The following SYNGR1 variants were observed in gnomAD, a reference collection of about 807,000 sequenced individuals.
SYNGR1 encodes the protein synaptogyrin-1.
Under a neutral mutation model 26.1 loss-of-function variants are expected in SYNGR1, and 14 were observed. That is an observed-to-expected ratio of 0.54 (90% CI 0.35 to 0.84). The LOEUF is 0.84. SYNGR1 is among the 40% of genes least tolerant of loss of function. The pLI is 0.01. For synonymous variants in SYNGR1, 141 were observed against 150.1 expected, an observed-to-expected ratio of 0.94 and a Z score of 0.44; for missense variants, 319 against 332.9, an observed-to-expected ratio of 0.96 and a Z score of 0.33.
intron 1 of SYNGR1, among the ~76,000 whole-genome samples, chr22:39,368,234 C>G (rs1169341677): frequency 6.6e-6 from 1 of 152,212 alleles, no homozygotes; most frequent in African/African-American, 2.4e-5. Flanking sequence ...CACAATGCAT[C>G]CTTGGTTTCG....
intron 1 of SYNGR1, among the ~76,000 whole-genome samples, chr22:39,370,494 G>T (rs957161018): frequency 6.6e-6 from 1 of 152,018 alleles, no homozygotes; most frequent in Non-Finnish European, 1.5e-5. Context: ...CACGCTGGTT[G>T]TTCCTTTTTA....
chr22:39,365,315 C>G (rs1924688322), intron 1 of SYNGR1, among the ~76,000 whole-genome samples: 2 of 152,208 alleles, frequency 1.3e-5, no homozygotes, highest in Admixed American at 1.3e-4. Flanking sequence ...GGGATGCTGC[C>G]TGGCACAGGG....
At chr22:39,362,312 G>A (rs1924514835) in intron 1 of SYNGR1, among the ~76,000 whole-genome samples, 1 of 152,106 alleles carries the variant, frequency 6.6e-6, no homozygotes, top group African/African-American at 2.4e-5. Context: ...CTGCCCAGCG[G>A]AGTCCACTCC....
chr22:39,377,636 C>G (rs760579150), intron 3 of SYNGR1: 1 of 1,614,054 alleles, frequency 6.2e-7, no homozygotes, highest in South Asian at 1.1e-5. Flanking sequence ...GATTCAAGGA[C>G]CTAAGCTTCC....
At chr22:39,364,617 G>A (rs555087234) in intron 1 of SYNGR1, among the ~76,000 whole-genome samples, 15 of 152,152 alleles carry the variant, frequency 9.9e-5, no homozygotes, top group Admixed American at 7.9e-4. Context: ...TCCCAGCAGC[G>A]TTCAGAGGGC....
At chr22:39,362,952 A>C (rs1924557872) in intron 1 of SYNGR1, among the ~76,000 whole-genome samples, 1 of 152,188 alleles carries the variant, frequency 6.6e-6, no homozygotes, top group Admixed American at 6.5e-5. Context: ...ATAGGAAAGA[A>C]GTTATATTGT....
intron 1 of SYNGR1, among the ~76,000 whole-genome samples, chr22:39,369,393 C>T (rs1019273007): frequency 1.3e-5 from 2 of 152,172 alleles, no homozygotes; most frequent in Admixed American, 6.5e-5. Flanking sequence ...ACTTCACAGG[C>T]GCTCCCCACT....
In SYNGR1 at chr22:39,374,234, C is replaced by T. The variant is rs376172660; in HGVS notation, c.100-82C>T. On this transcript the variant is annotated intron_variant, in intron 1 of 3. Transcript: ENST00000328933. ...AGCTCACGGAGGGCCAGGCAGCAGGCGAGGGTGGCAGCCTCCCCGTCCCCT... is the reference window on the plus strand; with the variant it reads ...AGCTCACGGAGGGCCAGGCAGCAGGTGAGGGTGGCAGCCTCCCCGTCCCCT... The T allele has an allele frequency of 1.2e-4, 157 of 1,337,892 alleles. No individual in the cohort carries two copies. In the African/African-American group the frequency reaches 1.9e-3, roughly 16 times the overall value. 82.9% of individuals were successfully genotyped at this position (1,337,892 alleles called of 1,614,324 possible). A position where few individuals can be genotyped will look rare whatever the true frequency, so the allele number is the denominator to read the frequency against.
At chr22:39,369,148 G>A (rs942131757) in intron 1 of SYNGR1, among the ~76,000 whole-genome samples, 1 of 152,174 alleles carries the variant, frequency 6.6e-6, no homozygotes, top group Non-Finnish European at 1.5e-5. Context: ...GGTGGCATCT[G>A]GTGACATCCA....
At chr22:39,377,905 T>C (rs1925359891) in intron 3 of SYNGR1, 1 of 1,413,460 alleles carries the variant, frequency 7.1e-7, no homozygotes, top group African/African-American at 1.4e-5. Context: ...TAAACATTTA[T>C]TGAGCAGCTG....
At position 39,382,352 on chromosome 22, in the gene SYNGR1, C is replaced by T. The variant is rs777228906; in HGVS notation, c.*438C>T. ...ATAATGCTGGGAAGTGTGGCTACAC[C>T]GTGGCTTGGTCATAGGGTGAGTGTA... On this transcript the variant is annotated 3_prime_UTR_variant, in exon 4 of 4. Transcript: ENST00000328933. The T allele has an allele frequency of 8.7e-5, 24 of 277,258 alleles. 1 individual carries two copies. The South Asian group carries it at 9.5e-4, about 11-fold the overall frequency. 17.2% of individuals were successfully genotyped at this position (277,258 alleles called of 1,614,324 possible). A position where few individuals can be genotyped will look rare whatever the true frequency, so the allele number is the denominator to read the frequency against.
rs1412782282 is a variant in SYNGR1, at chr22:39,376,156, C to T, written c.442C>T (p.Arg148Trp). Residue 148 changes from arginine to tryptophan, a missense_variant, in exon 3 of 4, where the codon CGG (arginine) becomes TGG (tryptophan). Arg to Trp is a moderately radical substitution (Grantham distance 101). Transcript: ENST00000328933. ...ACTGAACGAAGGGACGGACGCAGCC[C>T]GGGCCGCCATCGCCTTCTCCTTTTT... The part of the protein sequence containing the change: ...NPLNEGTDAA[R>W]AAIAFSFFSI... 4.3e-6 allele frequency: 7 copies of T among 1,614,070 alleles called. No homozygotes were observed. Among genetic ancestry groups the T allele is most frequent in the Non-Finnish European group, 5.9e-6 (7 of 1,180,048 alleles).
At chr22:39,356,983 C>T (rs1467236591) in intron 1 of SYNGR1, among the ~76,000 whole-genome samples, 4 of 152,116 alleles carry the variant, frequency 2.6e-5, no homozygotes, top group African/African-American at 9.7e-5. Flanking sequence ...TGGGGCCAGG[C>T]GCGATGGCTC....
chr22:39,382,569 TC>T lies in SYNGR1; in HGVS notation c.*658del. On this transcript the variant is annotated 3_prime_UTR_variant, in exon 4 of 4. Coordinates refer to ENST00000328933, the MANE Select transcript of SYNGR1 (RefSeq NM_004711.5). ...TGCCCGACTGCAGACCACGTGCTCTTCCCTGGCCACCCACCTCCTACCATCC... is the reference window on the plus strand; with the variant it reads ...TGCCCGACTGCAGACCACGTGCTCTTCCTGGCCACCCACCTCCTACCATCC... 1 of 155,912 alleles carries T rather than the reference TC, an allele frequency of 6.4e-6. No homozygotes were observed. The allele number at this position is 155,912 out of a possible 1,614,324, so 9.7% of individuals were successfully genotyped here. A position where few individuals can be genotyped will look rare whatever the true frequency, so the allele number is the denominator to read the frequency against.
chr22:39,378,909 A>G (rs914887769), intron 3 of SYNGR1, among the ~76,000 whole-genome samples: 11 of 152,228 alleles, frequency 7.2e-5, no homozygotes, highest in Non-Finnish European at 1.3e-4. Flanking sequence ...AGAGCTGAAC[A>G]CAGAGACAGT....
Position 39,384,838 on chromosome 22 carries a change from G to A in SYNGR1, c.*2924G>A, listed in dbSNP as rs5995726. The A allele has an allele frequency of 5.7e-3, 2,282 of 399,026 alleles. 55 individuals are homozygous for A. Among genetic ancestry groups the A allele is most frequent in the African/African-American group, 0.042 (2,060 of 48,728 alleles). The allele number at this position is 399,026 out of a possible 1,614,324, so 24.7% of individuals were successfully genotyped here. A position where few individuals can be genotyped will look rare whatever the true frequency, so the allele number is the denominator to read the frequency against. On this transcript the variant is annotated 3_prime_UTR_variant, in exon 4 of 4. Coordinates refer to ENST00000328933, the MANE Select transcript of SYNGR1 (RefSeq NM_004711.5). The stretch of plus-strand genomic sequence containing the variant: ...ACGCTTAGAGTCGGCAGAGTCTGGG[G>A]TAGGGAGACAGCGACTTGTCCAAGG...
At chr22:39,374,058 G>A (rs1925152962) in intron 1 of SYNGR1, among the ~76,000 whole-genome samples, 1 of 152,150 alleles carries the variant, frequency 6.6e-6, no homozygotes, top group Non-Finnish European at 1.5e-5. Flanking sequence ...GAGGGGTGTT[G>A]GAAGGGGCCA....
chr22:39,367,821 TCAAAA>T (rs1374675239), intron 1 of SYNGR1, among the ~76,000 whole-genome samples: 1 of 96,520 alleles, frequency 1.0e-5, no homozygotes, highest in Non-Finnish European at 1.9e-5. Flanking sequence ...AGACCCTGTC[TCAAAA>T]AAAAAAAAAA....
At chr22:39,358,922 G>A (rs992676363) in intron 1 of SYNGR1, among the ~76,000 whole-genome samples, 11 of 152,238 alleles carry the variant, frequency 7.2e-5, no homozygotes, top group Non-Finnish European at 1.5e-4. Flanking sequence ...CCAGGTGAAG[G>A]GGACCTGGAG....
Sources: allele counts gnomAD v4.1 joint callset (sites outside exome capture counted in the v4.1 genomes callset), GRCh38; gene constraint gnomAD v4.1.1; transcripts MANE v1.5; gene names NCBI Gene and HGNC (gene_info 2026-07-23, HGNC 2026-07-21).